The following TASOR variants were observed in gnomAD, a reference collection of about 807,000 sequenced individuals.
TASOR encodes the protein protein TASOR.
A neutral mutation model predicts 178.6 loss-of-function variants in TASOR; 53 were observed. That is an observed-to-expected ratio of 0.30 (90% confidence interval 0.24 to 0.37). The LOEUF (loss-of-function observed/expected upper bound fraction) is 0.37, where lower values mean the gene tolerates loss of function less well. Ranked by LOEUF, TASOR falls within the 10% of genes least tolerant of loss-of-function variation. The probability of loss-of-function intolerance (pLI) is 1.00; values close to 1 mark genes in which losing one functional copy is unlikely to be tolerated. For synonymous variants in TASOR, 713 were observed against 696.2 expected (o/e 1.02, Z -0.38); for missense variants, 1,815 against 1,971.4 (o/e 0.92, Z 1.50).
intron 11 of TASOR, among the ~76,000 whole-genome samples, chr3:56,655,316 C>T (rs886076461): frequency 2.0e-5 from 3 of 152,094 alleles, no homozygotes; most frequent in Non-Finnish European, 4.4e-5. Flanking sequence ...TATAGTAGTT[C>T]CCTTTTATCT....
At chr3:56,644,699 TAAG>T (rs2077199415) in intron 14 of TASOR, among the ~76,000 whole-genome samples, 1 of 71,898 alleles carries the variant, frequency 1.4e-5, no homozygotes, top group Non-Finnish European at 2.7e-5. Flanking sequence ...AAGAAGGTAG[TAAG>T]TCAGGAAGGC....
In TASOR at chr3:56,641,384, C is replaced by T. The variant is rs762905579; in HGVS notation, c.2584G>A (p.Glu862Lys). ...SKYSVAISTS[E>K]VGTDHKLHLK... ...TGTAGCTTATGGTCAGTGCCCACTTCGCTGGTAGAAATAGCAACAGAATAC... is the reference window on the plus strand; with the variant it reads ...TGTAGCTTATGGTCAGTGCCCACTTTGCTGGTAGAAATAGCAACAGAATAC... The change falls in exon 15 of 24, where the codon GAA (glutamate) becomes AAA (lysine). Residue 862 changes from glutamate to lysine, a missense_variant. Transcript: ENST00000683822. 3 of 1,596,496 alleles carry T rather than the reference C, an allele frequency of 1.9e-6. No individual in the cohort carries two copies. Among genetic ancestry groups the T allele is most frequent in the Non-Finnish European group, 2.6e-6 (3 of 1,164,998 alleles).
chr3:56,634,185 C>T (rs2076972246), intron 17 of TASOR, among the ~76,000 whole-genome samples: 1 of 152,170 alleles, frequency 6.6e-6, no homozygotes, highest in African/African-American at 2.4e-5. Context: ...AACAACTCTG[C>T]TATTTTGAAG....
chr3:56,643,283 T>C (rs1270295561), intron 14 of TASOR, among the ~76,000 whole-genome samples: 18 of 151,062 alleles, frequency 1.2e-4, no homozygotes, highest in African/African-American at 3.6e-4. Flanking sequence ...AAAAGTTCTA[T>C]ATATTGGAGC....
chr3:56,671,568 C>A, intron 3 of TASOR, 32 bp downstream of exon 3: 1 of 1,453,064 alleles, frequency 6.9e-7, no homozygotes, highest in Non-Finnish European at 9.3e-7. Context: ...GAAACATCCC[C>A]AAATTGTTTT....
rs1272474605 is a variant in TASOR at position 56,640,064 on chromosome 3, G to A, written c.2686C>T (p.His896Tyr). The change falls in exon 16 of 24, where the codon CAT becomes TAT. Residue 896 changes from histidine to tyrosine, a missense_variant. This residue lies in a region of TASOR where 655 missense variants were observed against 671.1 expected (regional missense o/e 0.98). Coordinates refer to ENST00000683822, the MANE Select transcript of TASOR (RefSeq NM_001365635.2). ...TTAGACTGTTGTCTACGAAATCCAT[G>A]TTCAATGGGAACACTGGGACACAAA... ...CSLCPSVPIE[H>Y]GFRRQQSKSN... is the part of the protein sequence containing the mutation. 1.2e-6 allele frequency: 2 copies of A among 1,612,872 alleles called. No individual in the cohort carries two copies. The highest frequency in any genetic ancestry group is 2.7e-5 in the African/African-American group (2 of 74,906).
At chr3:56,669,068 T>G (rs1295332587) in intron 5 of TASOR, among the ~76,000 whole-genome samples, 1 of 152,158 alleles carries the variant, frequency 6.6e-6, no homozygotes, top group East Asian at 1.9e-4. Context: ...AAAAATCATT[T>G]GAACTTGTTT....
chr3:56,653,610 C>A (rs2077405626), intron 11 of TASOR, among the ~76,000 whole-genome samples: 1 of 152,054 alleles, frequency 6.6e-6, no homozygotes, highest in Non-Finnish European at 1.5e-5. Context: ...ATTGTGTACC[C>A]AGCACCCAAT....
At chr3:56,644,615 G>C (rs932392927) in intron 14 of TASOR, among the ~76,000 whole-genome samples, 2 of 152,100 alleles carry the variant, frequency 1.3e-5, no homozygotes, top group East Asian at 3.9e-4. Flanking sequence ...GCCTTAAAAA[G>C]CAAGTATATA....
At chr3:56,650,493 G>C (rs1272165951) in intron 11 of TASOR, among the ~76,000 whole-genome samples, 2 of 152,116 alleles carry the variant, frequency 1.3e-5, no homozygotes, top group East Asian at 3.8e-4. Flanking sequence ...ATAAAGTCAT[G>C]GGGTCAGATG....
Position 56,654,972 on chromosome 3 carries a change from A to C in TASOR, c.1368+5759T>G, listed in dbSNP as rs576759480. Reference sequence around the variant, plus strand: ...ATAAATGTGTGAGCCAATTCTTTACAATAAATCTCTTTTTACATACCACCC... The same window carrying C: ...ATAAATGTGTGAGCCAATTCTTTACCATAAATCTCTTTTTACATACCACCC... On this transcript the variant is annotated intron_variant, in intron 11 of 23. Transcript: ENST00000683822. Among the ~76,000 whole-genome samples, 3 of 152,292 alleles carry C rather than the reference A, an allele frequency of 2.0e-5. No homozygotes were observed. The South Asian group carries it at 6.2e-4, about 32-fold the overall frequency.
rs1200343597 is a variant in TASOR, at chr3:56,662,502, G to A, written c.1055-12C>T. 4 of 1,335,226 alleles carry A rather than the reference G, an allele frequency of 3.0e-6. No individual in the cohort carries two copies. The highest frequency in any genetic ancestry group is 4.1e-6 in the Non-Finnish European group (4 of 965,994). 82.7% of individuals were successfully genotyped at this position (1,335,226 alleles called of 1,614,324 possible). A position where few individuals can be genotyped will look rare whatever the true frequency, so the allele number is the denominator to read the frequency against. On this transcript the variant is annotated splice_polypyrimidine_tract_variant and intron_variant, in intron 8 of 23. Transcript: ENST00000683822. ...ATAGTTATATTTATCTAAATAAAAA[G>A]AATATAATGACACAGCTTAGTCACT...
intron 13 of TASOR, among the ~76,000 whole-genome samples, chr3:56,647,904 CA>C (rs1206485556): frequency 2.6e-5 from 4 of 152,118 alleles, no homozygotes; most frequent in African/African-American, 9.7e-5. Context: ...AATAATCATA[CA>C]AAACCCTCAC....
intron 21 of TASOR, among the ~76,000 whole-genome samples, chr3:56,626,684 A>G (rs1578184214): frequency 6.6e-6 from 1 of 152,120 alleles, no homozygotes; most frequent in East Asian, 1.9e-4. Context: ...TGGAGGTTGC[A>G]GTGAGGCGAG....
intron 18 of TASOR, among the ~76,000 whole-genome samples, chr3:56,631,623 G>A (rs1431245524): frequency 2.1e-5 from 3 of 141,472 alleles, no homozygotes; most frequent in East Asian, 2.1e-4. Context: ...TTGCTCTGTC[G>A]CCCAGGCTGG....
At chr3:56,662,540 G>T (rs766201174) in intron 8 of TASOR, 50 bp from the exon 9 acceptor site, 8 of 848,836 alleles carry the variant, frequency 9.4e-6, no homozygotes, top group Non-Finnish European at 1.3e-5. Flanking sequence ...GCAGCCCAGA[G>T]AAGTGAGTGC....
rs1167250399 is a variant in TASOR, at chr3:56,666,348, G to A, written c.934C>T (p.Arg312Ter). Residue 312 changes from arginine to a stop codon, truncating the protein, a stop_gained, in exon 7 of 24, where the codon CGA (arginine) becomes TGA (stop). Coordinates refer to ENST00000683822, the MANE Select transcript of TASOR (RefSeq NM_001365635.2). LOFTEE classifies it high-confidence loss of function. ...TATGGACAAACGTGTCTTGGTCTTCGCCTTAGCTCATCAAAGCCATACTCA... is the reference window on the plus strand; with the variant it reads ...TATGGACAAACGTGTCTTGGTCTTCACCTTAGCTCATCAAAGCCATACTCA... ...FYEYGFDELRRRPRHVCPYAV... is the reference protein window; with the variant it reads ...FYEYGFDELR 1.9e-6 allele frequency: 3 copies of A among 1,539,428 alleles called. No homozygotes were observed. Among genetic ancestry groups the A allele is most frequent in the South Asian group, 1.2e-5 (1 of 80,402 alleles).
chr3:56,672,027 G>A (rs1279062330), intron 2 of TASOR, among the ~76,000 whole-genome samples: 4 of 152,234 alleles, frequency 2.6e-5, no homozygotes, highest in East Asian at 1.9e-4. Context: ...CCAACAGGTG[G>A]TTTAATAAAT....
rs542698091 is a variant in TASOR at position 56,657,583 on chromosome 3, AT to A, written c.1368+3147del. Among the ~76,000 whole-genome samples the A allele has an allele frequency of 9.2e-5, 14 of 152,284 alleles. No homozygotes were observed. In the South Asian group the frequency reaches 1.9e-3, roughly 20 times the overall value. ...GCTCTGCTCCACAATAATAAAACTT[AT>A]TTTATCTCCCTGAGAGCATCAAGTG... On this transcript the variant is annotated intron_variant, in intron 11 of 23. Transcript: ENST00000683822.
Sources: gnomAD v4.1 joint callset for allele counts (sites outside exome capture counted in the v4.1 genomes callset) on GRCh38, gnomAD v4.1.1 for gene constraint, gnomAD v4.1.1 regional missense constraint, MANE v1.5 for transcripts, NCBI Gene and HGNC (gene_info 2026-07-23, HGNC 2026-07-21) for gene names.